The following TBC1D31 variants were observed in gnomAD, a reference collection of about 807,000 sequenced individuals.
The protein encoded by TBC1D31 is WD repeat domain 67.
In TBC1D31, 99 loss-of-function variants were observed where a neutral mutation model predicts 132.9. The ratio of observed to expected loss-of-function variants is 0.74; its 90% confidence interval spans 0.63 to 0.88. The LOEUF (loss-of-function observed/expected upper bound fraction) is 0.88, where lower values mean the gene tolerates loss of function less well. Among genes scored for constraint, TBC1D31 ranks in the 40% least tolerant of loss-of-function variants. The pLI is 0.00. For missense variants in TBC1D31, 1,134 were observed against 1,256.6 expected, an observed-to-expected ratio of 0.90 and a Z score of 1.48; for synonymous variants, 385 against 419.4, an observed-to-expected ratio of 0.92 and a Z score of 1.00.
intron 4 of TBC1D31, among the ~76,000 whole-genome samples, chr8:123,088,144 G>A (rs949807506): frequency 2.0e-5 from 3 of 150,968 alleles, no homozygotes; most frequent in Non-Finnish European, 2.9e-5. Context: ...AGCCGAAATT[G>A]CACCATTGCA....
chr8:123,109,473 G>A lies in TBC1D31; in HGVS notation c.1290-1G>A, dbSNP rs759331089. On this transcript the variant is annotated splice_acceptor_variant, in intron 9 of 21. Transcript: ENST00000287380. LOFTEE classifies it high-confidence loss of function. The stretch of plus-strand genomic sequence containing the variant: ...GGGATTAAAATATATTTTTATTTCA[G>A]AATGTTCATTTGGCGCTCTCTGCTA... 2 of 1,611,688 alleles carry A rather than the reference G, an allele frequency of 1.2e-6. No individual in the cohort carries two copies. Among genetic ancestry groups the A allele is most frequent in the Non-Finnish European group, 1.7e-6 (2 of 1,179,164 alleles).
At chr8:123,122,001 T>G (rs544986173) in intron 11 of TBC1D31, among the ~76,000 whole-genome samples, 7 of 152,182 alleles carry the variant, frequency 4.6e-5, no homozygotes, top group Non-Finnish European at 8.8e-5. Flanking sequence ...AGATGCCACT[T>G]CATACCTACT....
At chr8:123,131,772 G>A (rs11786650) in intron 16 of TBC1D31, among the ~76,000 whole-genome samples, 42,050 of 151,682 alleles carry the variant, frequency 0.28, 5,897 homozygotes, top group Admixed American at 0.34. Context: ...GCTGTTTTAA[G>A]TCTGTAAGAG....
Position 123,092,808 on chromosome 8 carries a change from A to ATTTTTTTTTTTTTT in TBC1D31, c.520-775_520-762dup, listed in dbSNP as rs71573666. On this transcript the variant is annotated intron_variant, in intron 4 of 21. Transcript: ENST00000287380. Reference sequence around the variant, plus strand: ...GGGACTACAGGCACACACCCGGCTAATTTTTTTTTTTTTTTTTTTTTGAGA... The same window carrying ATTTTTTTTTTTTTT: ...GGGACTACAGGCACACACCCGGCTAATTTTTTTTTTTTTTTTTTTTTTTTTTTTTTTTTTTGAGA... Among the ~76,000 whole-genome samples the ATTTTTTTTTTTTTT allele has an allele frequency of 2.7e-3, 281 of 103,508 alleles. 20 individuals are homozygous for ATTTTTTTTTTTTTT. Among genetic ancestry groups the ATTTTTTTTTTTTTT allele is most frequent in the Middle Eastern group, 0.011 (2 of 180 alleles). 67.9% of individuals were successfully genotyped at this position (103,508 alleles called of 152,430 possible). A position where few individuals can be genotyped will look rare whatever the true frequency, so the allele number is the denominator to read the frequency against.
rs746475220 is a variant in TBC1D31, at chr8:123,105,308, A to G, written c.1053A>G (p.Lys351=). 1.3e-6 allele frequency: 2 copies of G among 1,572,598 alleles called. No individual in the cohort carries two copies. The highest frequency in any genetic ancestry group is 1.7e-6 in the Non-Finnish European group (2 of 1,158,902). Residue 351 remains lysine (K), a synonymous_variant, in exon 8 of 22, where the codon AAA becomes AAG. Coordinates refer to ENST00000287380, the MANE Select transcript of TBC1D31 (RefSeq NM_145647.4). ...TTTAGCCACCTCCGCCTTTAGTGAA[A>G]GTTATTGAAGATTTGCCCAAGAATA... ...EINKPPPPLV[K]VIEDLPKNKL...
intron 1 of TBC1D31, among the ~76,000 whole-genome samples, chr8:123,074,285 A>G (rs1246546721): frequency 6.7e-6 from 1 of 148,564 alleles, no homozygotes; most frequent in Non-Finnish European, 1.5e-5. Context: ...CTCCCGAAGT[A>G]CTGGGATTAC....
intron 8 of TBC1D31, among the ~76,000 whole-genome samples, chr8:123,106,223 A>C (rs1817909724): frequency 6.6e-6 from 1 of 152,196 alleles, no homozygotes; most frequent in Non-Finnish European, 1.5e-5. Context: ...ACAATTCATA[A>C]GTTTTAAATT....
intron 7 of TBC1D31, chr8:123,102,955 T>G (rs1171091495): frequency 6.6e-6 from 1 of 152,228 alleles, no homozygotes; most frequent in African/African-American, 2.4e-5. Context: ...TTAAATAAAC[T>G]CATTCAGGAA....
In TBC1D31 at chr8:123,142,375, G is replaced by A. The variant is rs1217821848; in HGVS notation, c.2754G>A (p.Gln918=). Residue 918 remains glutamine, a synonymous_variant, in exon 19 of 22, where the codon CAG becomes CAA. Coordinates refer to ENST00000287380, the MANE Select transcript of TBC1D31 (RefSeq NM_145647.4). ...CDDLQRNKCY[Q]EVAKLLRENR... ...ATCTACAACGAAACAAATGTTACCA[G>A]GAAGTAGCCAAACTCCTTAGGGAAA... The A allele has an allele frequency of 6.2e-7, 1 of 1,606,730 alleles. No homozygotes were observed. Among genetic ancestry groups the A allele is most frequent in the Non-Finnish European group, 8.5e-7 (1 of 1,176,746 alleles).
chr8:123,147,626 T>C (rs1279844019), intron 20 of TBC1D31, among the ~76,000 whole-genome samples: 1 of 152,162 alleles, frequency 6.6e-6, no homozygotes, highest in Non-Finnish European at 1.5e-5. Flanking sequence ...CGTGCTAAAT[T>C]TTTTTTGGCA....
intron 10 of TBC1D31, among the ~76,000 whole-genome samples, chr8:123,109,950 G>T (rs1251906734): frequency 6.6e-6 from 1 of 152,098 alleles, no homozygotes; most frequent in Admixed American, 6.5e-5. Context: ...AAAATTAGCT[G>T]GGTGTGGTGG....
At chr8:123,150,870 A>G (rs1001367349) in intron 21 of TBC1D31, among the ~76,000 whole-genome samples, 5 of 152,256 alleles carry the variant, frequency 3.3e-5, no homozygotes, top group African/African-American at 1.2e-4. Flanking sequence ...TAAAATTGCC[A>G]TATAGATGAA....
At chr8:123,126,357 G>A in intron 12 of TBC1D31, 151 bp from the exon 13 acceptor site, 1 of 1,150,410 alleles carries the variant, frequency 8.7e-7, no homozygotes, top group Non-Finnish European at 1.2e-6. Context: ...CTGAAAGTCT[G>A]TAAAGAAGGG....
rs1287222561 is a variant in TBC1D31 at position 123,126,534 on chromosome 8, T to C, written c.1731T>C (p.Thr577=). ...SQLYAWPLLE[T]VFSEVLTREE... is the part of the protein sequence containing the mutation. The stretch of plus-strand genomic sequence containing the variant: ...TATATGCATGGCCTCTTCTTGAAAC[T>C]GTGTTCTCAGAAGTGCTGACAAGAG... Residue 577 remains threonine, a synonymous_variant, in exon 13 of 22, where the codon ACT becomes ACC. Coordinates refer to ENST00000287380, the MANE Select transcript of TBC1D31 (RefSeq NM_145647.4). 4 of 1,614,018 alleles carry C rather than the reference T, an allele frequency of 2.5e-6. No homozygotes were observed. The highest frequency in any genetic ancestry group is 1.3e-5 in the African/African-American group (1 of 75,042).
At chr8:123,086,470 C>T (rs1311840047) in intron 4 of TBC1D31, among the ~76,000 whole-genome samples, 1 of 152,140 alleles carries the variant, frequency 6.6e-6, no homozygotes, top group Non-Finnish European at 1.5e-5. Context: ...AGATTGGAGG[C>T]TTTCTGCAGA....
intron 17 of TBC1D31, 77 bp downstream of exon 17, chr8:123,134,283 CT>C: frequency 1.8e-6 from 2 of 1,131,314 alleles, no homozygotes; most frequent in Non-Finnish European, 1.3e-6. Flanking sequence ...AATCCCAGCA[CT>C]TTGGGAGGAT....
intron 6 of TBC1D31, among the ~76,000 whole-genome samples, chr8:123,100,530 C>T (rs1254951800): frequency 1.3e-5 from 2 of 151,770 alleles, no homozygotes; most frequent in South Asian, 4.2e-4. Flanking sequence ...GAGTGGAGAT[C>T]GTGCCACTGC....
At chr8:123,120,321 G>C in intron 11 of TBC1D31, 133 bp downstream of exon 11, 1 of 702,612 alleles carries the variant, frequency 1.4e-6, no homozygotes, top group East Asian at 2.9e-5. Flanking sequence ...GAAACAATAA[G>C]GTATCAAACA....
At chr8:123,164,944 T>C in the TBC1D31 span, among the ~76,000 whole-genome samples, 1 of 152,246 alleles carries the variant, frequency 6.6e-6, no homozygotes, top group Non-Finnish European at 1.5e-5. Context: ...GCTGGACCTC[T>C]TTCCTTGCCA....
Sources: allele counts gnomAD v4.1 joint callset (sites outside exome capture counted in the v4.1 genomes callset), GRCh38; gene constraint gnomAD v4.1.1; transcripts MANE v1.5; gene names NCBI Gene and HGNC (gene_info 2026-07-23, HGNC 2026-07-21).